GALNT13: variants seen among roughly 807,000 people sequenced by gnomAD.
The protein encoded by GALNT13 is UDP-GalNAc:polypeptide N-acetylgalactosaminyltransferase 13.
Under a neutral mutation model 64.2 loss-of-function variants are expected in GALNT13, and 28 were observed. That is an observed-to-expected ratio of 0.44 (90% CI 0.32 to 0.60). GALNT13 has a LOEUF of 0.60. Ranked by LOEUF, GALNT13 falls within the 20% of genes least tolerant of loss-of-function variation. GALNT13 has a pLI of 0.05. For missense variants in GALNT13, 577 were observed against 669.8 expected (o/e 0.86, Z 1.53); for synonymous variants, 214 against 224.6 (o/e 0.95, Z 0.42).
the GALNT13 span, among the ~76,000 whole-genome samples, chr2:153,102,696 C>T: frequency 6.6e-6 from 1 of 152,262 alleles, no homozygotes. Flanking sequence ...CCCGAAACAG[C>T]TATTACTTAT....
intron 3 of GALNT13, among the ~76,000 whole-genome samples, chr2:153,951,582 T>C (rs572804964): frequency 2.5e-4 from 38 of 152,100 alleles, no homozygotes; most frequent in Non-Finnish European, 5.3e-4. Flanking sequence ...GTCAAGTCTC[T>C]GGATTTTTGC....
chr2:153,195,510 A>C, the GALNT13 span, among the ~76,000 whole-genome samples: 2 of 152,208 alleles, frequency 1.3e-5, no homozygotes, highest in East Asian at 3.9e-4. Context: ...TGTACCAGGC[A>C]TACTGCAAGC....
intron 4 of GALNT13, among the ~76,000 whole-genome samples, chr2:154,170,251 A>G (rs1290996266): frequency 6.6e-6 from 1 of 152,044 alleles, no homozygotes; most frequent in African/African-American, 2.4e-5. Context: ...GATCTTCCTT[A>G]CTCAGTCCAC....
the GALNT13 span, among the ~76,000 whole-genome samples, chr2:153,817,180 A>G: frequency 6.6e-6 from 1 of 152,220 alleles, no homozygotes; most frequent in African/African-American, 2.4e-5. Context: ...GTGTAATTAC[A>G]TGTGAGTTTT....
At chr2:153,261,837 C>A in the GALNT13 span, among the ~76,000 whole-genome samples, 1 of 152,104 alleles carries the variant, frequency 6.6e-6, no homozygotes, top group African/African-American at 2.4e-5. Flanking sequence ...CCCGTGGCCA[C>A]CACCACCCCA....
chr2:153,633,093 G>A, the GALNT13 span, among the ~76,000 whole-genome samples: 230 of 152,082 alleles, frequency 1.5e-3, 6 homozygotes, highest in Non-Finnish European at 1.8e-4. Flanking sequence ...ATAATATTTC[G>A]CTGCATGGTA....
chr2:153,303,953 A>C, the GALNT13 span, among the ~76,000 whole-genome samples: 7 of 152,162 alleles, frequency 4.6e-5, no homozygotes, highest in African/African-American at 1.7e-4. Flanking sequence ...GTACAATGCC[A>C]GCAGCCATTT....
chr2:153,501,818 A>G, the GALNT13 span, among the ~76,000 whole-genome samples: 1 of 152,218 alleles, frequency 6.6e-6, no homozygotes, highest in African/African-American at 2.4e-5. Flanking sequence ...AAATATAACT[A>G]CAGCTTGGCT....
At chr2:154,447,595 T>C (rs1701657849) in intron 12 of GALNT13, among the ~76,000 whole-genome samples, 1 of 151,952 alleles carries the variant, frequency 6.6e-6, no homozygotes, top group Admixed American at 6.6e-5. Flanking sequence ...CAAGGAAGAT[T>C]GGGGCATTTT....
At chr2:153,452,957 C>T in the GALNT13 span, among the ~76,000 whole-genome samples, 359 of 152,062 alleles carry the variant, frequency 2.4e-3, 6 homozygotes, top group East Asian at 0.033. Flanking sequence ...TAGAGAACCC[C>T]GATACAAAGT....
chr2:154,448,359 G>C (rs1701700171), intron 12 of GALNT13, among the ~76,000 whole-genome samples: 1 of 151,924 alleles, frequency 6.6e-6, no homozygotes, highest in African/African-American at 2.4e-5. Flanking sequence ...GTTGACTGAA[G>C]GTCAAATTTT....
At chr2:153,543,111 G>A in the GALNT13 span, among the ~76,000 whole-genome samples, 1 of 152,158 alleles carries the variant, frequency 6.6e-6, no homozygotes, top group Non-Finnish European at 1.5e-5. Flanking sequence ...AAACAAGTTT[G>A]TAGATGAGGT....
chr2:153,751,108 C>T, the GALNT13 span, among the ~76,000 whole-genome samples: 7 of 151,830 alleles, frequency 4.6e-5, no homozygotes, highest in South Asian at 2.1e-4. Context: ...TCTATGTATT[C>T]GTATAGTTTC....
At chr2:153,206,725 T>A in the GALNT13 span, among the ~76,000 whole-genome samples, 1 of 152,058 alleles carries the variant, frequency 6.6e-6, no homozygotes, top group Admixed American at 6.5e-5. Flanking sequence ...GTTGGCTATA[T>A]TAAAGTTTGA....
At chr2:153,157,663 C>T in the GALNT13 span, among the ~76,000 whole-genome samples, 3 of 152,168 alleles carry the variant, frequency 2.0e-5, no homozygotes, top group South Asian at 6.2e-4. Flanking sequence ...GATCCAAGAA[C>T]AGTAGAGTTC....
intron 1 of GALNT13, among the ~76,000 whole-genome samples, chr2:153,887,263 G>T (rs1019825214): frequency 6.6e-6 from 1 of 151,098 alleles, no homozygotes; most frequent in Non-Finnish European, 1.5e-5. Context: ...CACTTAGCAG[G>T]TGCTCAATAA....
chr2:153,970,008 A>G (rs6738659), intron 3 of GALNT13, among the ~76,000 whole-genome samples: 59,421 of 152,080 alleles, frequency 0.39, 14,681 homozygotes, highest in Non-Finnish European at 0.55. Flanking sequence ...ATTCACCATT[A>G]TTAGAGCTAC....
the GALNT13 span, among the ~76,000 whole-genome samples, chr2:153,437,613 T>C: frequency 6.6e-6 from 1 of 152,336 alleles, no homozygotes; most frequent in East Asian, 1.9e-4. Flanking sequence ...TCTTTGCTGG[T>C]TTAAAGTCTG....
the GALNT13 span, among the ~76,000 whole-genome samples, chr2:153,181,159 C>T: frequency 6.8e-6 from 1 of 147,450 alleles, no homozygotes; most frequent in Non-Finnish European, 1.5e-5. Flanking sequence ...GTAAATTTTC[C>T]TCTTAGAACT....
Sources: gnomAD v4.1 joint callset for allele counts (sites outside exome capture counted in the v4.1 genomes callset) on GRCh38, gnomAD v4.1.1 for gene constraint, MANE v1.5 for transcripts, NCBI Gene and HGNC (gene_info 2026-07-23, HGNC 2026-07-21) for gene names.